The following DNAJA3 variants were observed in gnomAD, a reference collection of about 807,000 sequenced individuals.
DNAJA3 encodes the protein dnaJ homolog subfamily A member 3, mitochondrial.
DNAJA3 carries 29 observed loss-of-function variants against 54.9 expected under a neutral mutation model. The ratio of observed to expected loss-of-function variants is 0.53; its 90% CI spans 0.39 to 0.72. DNAJA3 has a LOEUF of 0.72. Ranked by LOEUF, DNAJA3 falls within the 30% of genes least tolerant of loss-of-function variation. DNAJA3 has a pLI of 0.00. For synonymous variants in DNAJA3, 302 were observed against 251.4 expected (o/e 1.20, Z -1.90); for missense variants, 708 against 639.4 (o/e 1.11, Z -1.16).
intron 1 of DNAJA3, among the ~76,000 whole-genome samples, chr16:4,426,431 T>A (rs2141363698): frequency 6.6e-6 from 1 of 152,316 alleles, no homozygotes; most frequent in Non-Finnish European, 1.5e-5. Flanking sequence ...AGGGAAGAGC[T>A]AACTGCCATT....
intron 10 of DNAJA3, among the ~76,000 whole-genome samples, chr16:4,451,300 A>G (rs1223840242): frequency 1.3e-5 from 2 of 152,064 alleles, no homozygotes; most frequent in Non-Finnish European, 2.9e-5. Context: ...GCAGCCTTAG[A>G]TTAGTGCATG....
intron 10 of DNAJA3, among the ~76,000 whole-genome samples, 188 bp downstream of exon 10, chr16:4,450,685 T>C (rs945452542): frequency 2.0e-5 from 3 of 152,124 alleles, no homozygotes; most frequent in African/African-American, 7.2e-5. Context: ...AGTCCAAGCT[T>C]CGCCTCCTCT....
Position 4,441,367 on chromosome 16 carries a change from C to T in DNAJA3, c.430-8C>T, listed in dbSNP as rs2056833631. 4 of 1,608,748 alleles carry T rather than the reference C, an allele frequency of 2.5e-6. No individual in the cohort carries two copies. The highest frequency in any genetic ancestry group is 1.1e-5 in the South Asian group (1 of 90,644). ...TGGGATGCCCAGTGGCTCTGCCTTT[C>T]ACTGTAGGTTTTGAGTGATGAGGTG... On this transcript the variant is annotated splice_region_variant and splice_polypyrimidine_tract_variant and intron_variant, in intron 3 of 11. Coordinates refer to ENST00000262375, the MANE Select transcript of DNAJA3 (RefSeq NM_005147.6).
At chr16:4,434,886 C>CTTTTTTTTTTTT (rs202179531) in intron 2 of DNAJA3, among the ~76,000 whole-genome samples, 10 of 100,192 alleles carry the variant, frequency 1.0e-4, no homozygotes, top group Admixed American at 2.3e-4. Flanking sequence ...CCTTTCCTTT[C>CTTTTTTTTTTTT]TTTTTTTTTT....
rs781707812 is a variant in DNAJA3 at position 4,450,479 on chromosome 16, G to A, written c.1321G>A (p.Val441Ile). The change falls in exon 10 of 12, where the codon GTC (valine) becomes ATC (isoleucine). Residue 441 changes from valine (V) to isoleucine (I), a missense_variant. Physicochemically the swap from Val to Ile is conservative, Grantham distance 29 (BLOSUM62 3). Coordinates refer to ENST00000262375, the MANE Select transcript of DNAJA3 (RefSeq NM_005147.6). ...ETDVEGTVNG[V>I]TLTSSGGSTM... ...AGATGTGGAGGGGACGGTGAACGGC[G>A]TCACCCTCACCAGCTCTGGTAAGGA... The A allele has an allele frequency of 3.4e-5, 54 of 1,609,832 alleles. No homozygotes were observed. The highest frequency in any genetic ancestry group is 3.3e-4 in the Middle Eastern group (2 of 6,080).
intron 10 of DNAJA3, among the ~76,000 whole-genome samples, chr16:4,454,367 C>T (rs1339915181): frequency 2.0e-5 from 3 of 152,224 alleles, no homozygotes; most frequent in African/African-American, 2.4e-5. Context: ...TCCTCCCTCC[C>T]GCTTGTTGGC....
chr16:4,455,468 G>A, intron 11 of DNAJA3, 78 bp from the exon 12 acceptor site: 1 of 1,515,212 alleles, frequency 6.6e-7, no homozygotes, highest in Non-Finnish European at 9.0e-7. Context: ...GCTTTCCAGG[G>A]ATTAACAGAC....
At position 4,456,144 on chromosome 16, in the gene DNAJA3, A is replaced by G. The variant is rs1035731004; in HGVS notation, c.*612A>G. ...CAGTCGGTGCCTGGGAGGCACGTAGAGGCCCAGAGAGTCCCTGGGGGTTCT... is the reference window on the plus strand; with the variant it reads ...CAGTCGGTGCCTGGGAGGCACGTAGGGGCCCAGAGAGTCCCTGGGGGTTCT... On this transcript the variant is annotated 3_prime_UTR_variant, in exon 12 of 12. Coordinates refer to ENST00000262375, the MANE Select transcript of DNAJA3 (RefSeq NM_005147.6). 9 of 155,338 alleles carry G rather than the reference A, an allele frequency of 5.8e-5. No homozygotes were observed. In the South Asian group the frequency reaches 6.0e-4, roughly 10 times the overall value. The allele number at this position is 155,338 out of a possible 1,614,324, so 9.6% of individuals were successfully genotyped here. A position where few individuals can be genotyped will look rare whatever the true frequency, so the allele number is the denominator to read the frequency against.
chr16:4,450,644 C>T (rs778461897), intron 10 of DNAJA3, 147 bp downstream of exon 10: 6 of 613,606 alleles, frequency 9.8e-6, no homozygotes, highest in African/African-American at 5.6e-5. Flanking sequence ...GGGCTGTGGG[C>T]GGGGACAGCG....
At chr16:4,452,173 A>G (rs564074756) in intron 10 of DNAJA3, among the ~76,000 whole-genome samples, 5 of 152,304 alleles carry the variant, frequency 3.3e-5, no homozygotes, top group East Asian at 1.9e-4. Flanking sequence ...GTGTATATGT[A>G]TACTATCTTT....
intron 1 of DNAJA3, among the ~76,000 whole-genome samples, chr16:4,428,866 C>T (rs893408732): frequency 1.3e-5 from 2 of 151,918 alleles, no homozygotes; most frequent in South Asian, 4.1e-4. Context: ...TAGGCAGATC[C>T]CATCTCTACA....
At position 4,450,259 on chromosome 16, in the gene DNAJA3, C is replaced by T. The variant is rs940903706; in HGVS notation, c.1242-141C>T. The T allele has an allele frequency of 1.0e-4, 63 of 615,788 alleles. 2 individuals carry two copies. The highest frequency in any genetic ancestry group is 4.9e-4 in the South Asian group (24 of 48,514). 38.1% of individuals were successfully genotyped at this position (615,788 alleles called of 1,614,324 possible). On this transcript the variant is annotated intron_variant, in intron 9 of 11. Transcript: ENST00000262375. ...GAGGGCATGGTCCTTAGGTTCTCAC[C>T]GCTGCACTGGCTCAGGGTGTCCGCC... is the stretch of plus-strand genomic sequence containing the variant.
intron 5 of DNAJA3, 190 bp downstream of exon 5, chr16:4,442,610 C>A: frequency 1.6e-6 from 1 of 639,326 alleles, no homozygotes; most frequent in African/African-American, 1.9e-5. Flanking sequence ...ACAGGCTCAG[C>A]AACCAGAGCA....
At chr16:4,436,682 C>T (rs535208284) in intron 2 of DNAJA3, among the ~76,000 whole-genome samples, 8 of 151,946 alleles carry the variant, frequency 5.3e-5, no homozygotes, top group Non-Finnish European at 7.4e-5. Context: ...TTTATAGGCG[C>T]GTGTGACCAT....
At position 4,426,089 on chromosome 16, in the gene DNAJA3, A is replaced by C. The variant is rs748163779; in HGVS notation, c.208A>C (p.Thr70Pro). The change falls in exon 1 of 12, where the codon ACA becomes CCA. Residue 70 changes from threonine to proline, a missense_variant. By Grantham distance (38) the Thr-to-Pro change is conservative (BLOSUM62 -1). Transcript: ENST00000262375. ...GACATTGAGACCTGGTGTCAGCCTTACAGGTGAGGGCAGGTTCCAACTTCC... is the reference window on the plus strand; with the variant it reads ...GACATTGAGACCTGGTGTCAGCCTTCCAGGTGAGGGCAGGTTCCAACTTCC... Reference protein sequence around the residue: ...LLTLRPGVSLTGTKHNPFICT... With the variant: ...LLTLRPGVSLPGTKHNPFICT... The C allele has an allele frequency of 1.1e-5, 17 of 1,581,454 alleles. 1 individual carries two copies. The highest frequency in any genetic ancestry group is 1.8e-5 in the Admixed American group (1 of 57,052).
chr16:4,426,571 A>G (rs2056626145), intron 1 of DNAJA3, among the ~76,000 whole-genome samples: 1 of 152,240 alleles, frequency 6.6e-6, no homozygotes, highest in African/African-American at 2.4e-5. Context: ...AGACTAGAAG[A>G]GTTGTCTCAA....
chr16:4,430,742 G>A (rs1039976018), intron 1 of DNAJA3: 2 of 152,030 alleles, frequency 1.3e-5, no homozygotes, highest in African/African-American at 2.4e-5. Flanking sequence ...ATGCCCTATG[G>A]ATAATGTCAA....
Position 4,443,111 on chromosome 16 carries a change from G to A in DNAJA3, c.878G>A (p.Arg293Lys), listed in dbSNP as rs199740827. 1.1e-5 allele frequency: 17 copies of A among 1,613,908 alleles called. No individual in the cohort carries two copies. In the East Asian group the frequency reaches 3.6e-4, roughly 34 times the overall value. Residue 293 changes from arginine to lysine, a missense_variant, in exon 6 of 12, where the codon AGG becomes AAG. Arg to Lys is a conservative substitution (Grantham distance 26). Transcript: ENST00000262375. Reference sequence around the variant, plus strand: ...ATCATATCGCCCTGTGTGGTCTGCAGGGGAGCAGGACAAGCCAAGCAGAAA... The same window carrying A: ...ATCATATCGCCCTGTGTGGTCTGCAAGGGAGCAGGACAAGCCAAGCAGAAA... ...SIIISPCVVC[R>K]GAGQAKQKKR...
At chr16:4,454,980 C>T (rs959025570) in intron 11 of DNAJA3, 53 bp downstream of exon 11, 1 of 1,265,452 alleles carries the variant, frequency 7.9e-7, no homozygotes, top group Non-Finnish European at 1.1e-6. Flanking sequence ...GTGAACTAAT[C>T]CTGGTTTTCT....
Sources: gnomAD v4.1 joint callset for allele counts (sites outside exome capture counted in the v4.1 genomes callset) on GRCh38, gnomAD v4.1.1 for gene constraint, MANE v1.5 for transcripts, NCBI Gene and HGNC (gene_info 2026-07-23, HGNC 2026-07-21) for gene names.